Variants in TP53BP1 observed in about 807,000 individuals in gnomAD.
The protein encoded by TP53BP1 is TP53-binding protein 1.
TP53BP1 carries 61 observed loss-of-function variants against 200.8 expected under a neutral mutation model. The observed-to-expected ratio is 0.30, with a 90% CI of 0.25 to 0.38. The LOEUF (loss-of-function observed/expected upper bound fraction) is 0.38, where lower values mean the gene tolerates loss of function less well. Among genes scored for constraint, TP53BP1 ranks in the 10% least tolerant of loss-of-function variants. The pLI, the probability that TP53BP1 is intolerant of heterozygous loss-of-function variation, is 1.00. For missense variants in TP53BP1, 2,144 were observed against 2,371.9 expected, an observed-to-expected ratio of 0.90 and a Z score of 2.00; for synonymous variants, 822 against 844.3, an observed-to-expected ratio of 0.97 and a Z score of 0.46.
chr15:43,440,481 C>A (rs2045901820), intron 15 of TP53BP1, among the ~76,000 whole-genome samples: 1 of 150,928 alleles, frequency 6.6e-6, no homozygotes, highest in Non-Finnish European at 1.5e-5. Context: ...TGCCACTGCA[C>A]TCCAGCCTGG....
intron 11 of TP53BP1, among the ~76,000 whole-genome samples, chr15:43,463,456 T>C (rs1050114045): frequency 1.2e-4 from 19 of 152,162 alleles, no homozygotes; most frequent in African/African-American, 4.3e-4. Flanking sequence ...TGAACAAGGG[T>C]TACCCATTAA....
Position 43,436,984 on chromosome 15 carries a change from G to GA in TP53BP1, c.3191+1339dup, listed in dbSNP as rs1347413592. ...TGAGACCAGCCTGGGCAACACAGTTGAAAAAAAAGTTGAAAAAAAAAAAAA... is the reference window on the plus strand; with the variant it reads ...TGAGACCAGCCTGGGCAACACAGTTGAAAAAAAAAGTTGAAAAAAAAAAAAA... On this transcript the variant is annotated intron_variant, in intron 16 of 27. Coordinates refer to ENST00000382044, the MANE Select transcript of TP53BP1 (RefSeq NM_001141980.3). Among the ~76,000 whole-genome samples, 878 of 148,492 alleles carry GA rather than the reference G, an allele frequency of 5.9e-3. 5 individuals are homozygous for GA. Among genetic ancestry groups the GA allele is most frequent in the Non-Finnish European group, 8.6e-3 (579 of 67,010 alleles).
chr15:43,474,969 T>C (rs1261686103), intron 9 of TP53BP1, among the ~76,000 whole-genome samples: 1 of 152,194 alleles, frequency 6.6e-6, no homozygotes, highest in Non-Finnish European at 1.5e-5. Flanking sequence ...ACATTTCTGT[T>C]GTAAAATAAG....
Position 43,421,922 on chromosome 15 carries a change from TCCCTC to T in TP53BP1, c.4028_4032del (p.Arg1343LysfsTer25), listed in dbSNP as rs899679475. On this transcript the variant is annotated frameshift_variant, in exon 19 of 28. Coordinates refer to ENST00000382044, the MANE Select transcript of TP53BP1 (RefSeq NM_001141980.3). LOFTEE classifies it high-confidence loss of function. ...TCTGCGGGTTCTGTCCCGCTGGTTT[TCCCTC>T]TGAGTGGTCCGGCTCCTTTCCCTGA... is the stretch of plus-strand genomic sequence containing the variant. 6.2e-7 allele frequency: 1 copy of T among 1,614,082 alleles called. No individual in the cohort carries two copies. The highest frequency in any genetic ancestry group is 8.5e-7 in the Non-Finnish European group (1 of 1,180,044).
chr15:43,500,468 T>C (rs1418907294), intron 1 of TP53BP1, among the ~76,000 whole-genome samples: 1 of 152,158 alleles, frequency 6.6e-6, no homozygotes, highest in African/African-American at 2.4e-5. Flanking sequence ...AACTGATTTC[T>C]AAACAAATCC....
chr15:43,502,669 C>G (rs1219181405), intron 1 of TP53BP1, among the ~76,000 whole-genome samples: 1 of 151,608 alleles, frequency 6.6e-6, no homozygotes, highest in Non-Finnish European at 1.5e-5. Context: ...CTATGTTAGC[C>G]AAAATGGTCT....
At position 43,432,169 on chromosome 15, in the gene TP53BP1, G is replaced by A. The variant is rs570530985; in HGVS notation, c.3675+25C>T. On this transcript the variant is annotated intron_variant, in intron 17 of 27. Coordinates refer to ENST00000382044, the MANE Select transcript of TP53BP1 (RefSeq NM_001141980.3). ...CCTGAAAGTTAAAAACAAGGCCTCT[G>A]ATGCACCCTAGTATGTTCTCTCACC... 1.5e-5 allele frequency: 24 copies of A among 1,588,884 alleles called. No individual in the cohort carries two copies. The South Asian group carries it at 1.6e-4, about 10-fold the overall frequency.
At chr15:43,435,942 C>A (rs945643868) in intron 16 of TP53BP1, among the ~76,000 whole-genome samples, 14 of 151,962 alleles carry the variant, frequency 9.2e-5, no homozygotes, top group Admixed American at 4.6e-4. Context: ...GTGGTCACCC[C>A]TCCTCAGCCT....
chr15:43,458,958 G>A (rs1020877788), intron 11 of TP53BP1, among the ~76,000 whole-genome samples: 4 of 152,084 alleles, frequency 2.6e-5, no homozygotes, highest in Non-Finnish European at 5.9e-5. Context: ...TAGGCATTCT[G>A]CTTGTAGGCA....
At chr15:43,453,250 A>G (rs1046522908) in intron 12 of TP53BP1, among the ~76,000 whole-genome samples, 1 of 151,768 alleles carries the variant, frequency 6.6e-6, no homozygotes, top group African/African-American at 2.4e-5. Context: ...AAAACAATCA[A>G]AGAGACCTGA....
intron 4 of TP53BP1, among the ~76,000 whole-genome samples, chr15:43,487,642 A>T (rs1315622701): frequency 6.6e-6 from 1 of 152,120 alleles, no homozygotes; most frequent in East Asian, 1.9e-4. Flanking sequence ...AAAATACAAA[A>T]ATTAGCCAGG....
At chr15:43,452,810 C>T (rs1470901180) in intron 12 of TP53BP1, among the ~76,000 whole-genome samples, 2 of 152,038 alleles carry the variant, frequency 1.3e-5, no homozygotes, top group African/African-American at 4.8e-5. Flanking sequence ...GCTGACTCTG[C>T]CAATTAACAA....
chr15:43,493,185 G>A (rs1280040925), upstream of TP53BP1: 4 of 1,481,972 alleles, frequency 2.7e-6, no homozygotes, highest in Non-Finnish European at 3.6e-6. Flanking sequence ...ACACAATATC[G>A]GATCGTCCAT....
chr15:43,458,820 G>A (rs537856900), intron 11 of TP53BP1, among the ~76,000 whole-genome samples: 15 of 151,816 alleles, frequency 9.9e-5, no homozygotes, highest in Non-Finnish European at 1.0e-4. Context: ...ACAAAACCCA[G>A]GATTAGCAAC....
chr15:43,504,024 C>T (rs1483063395), intron 1 of TP53BP1, among the ~76,000 whole-genome samples: 1 of 152,128 alleles, frequency 6.6e-6, no homozygotes, highest in Non-Finnish European at 1.5e-5. Context: ...GTGGCTAAAG[C>T]CTGTAATCCC....
chr15:43,482,544 G>A (rs531180974), intron 4 of TP53BP1, among the ~76,000 whole-genome samples: 23 of 152,240 alleles, frequency 1.5e-4, no homozygotes, highest in African/African-American at 3.9e-4. Flanking sequence ...CGAAACAGGC[G>A]GATCACAAGG....
intron 23 of TP53BP1, 166 bp downstream of exon 23, chr15:43,415,428 G>C (rs1013653553): frequency 2.7e-6 from 2 of 741,050 alleles, no homozygotes; most frequent in African/African-American, 3.5e-5. Flanking sequence ...GGGGGAGGAG[G>C]GATACAGTGA....
chr15:43,496,034 T>C (rs139324373), upstream of TP53BP1, among the ~76,000 whole-genome samples: 6 of 152,296 alleles, frequency 3.9e-5, no homozygotes, highest in African/African-American at 1.2e-4. Flanking sequence ...AAGGCCTTTA[T>C]TGACTCCTAG....
Position 43,481,032 on chromosome 15 carries a change from A to G in TP53BP1, c.372-10T>C. Reference sequence around the variant, plus strand: ...TGACATTCCCAGAACACTACACAGCAGAAGGATATAATCATGTGTTCCCAG... The same window carrying G: ...TGACATTCCCAGAACACTACACAGCGGAAGGATATAATCATGTGTTCCCAG... On this transcript the variant is annotated splice_polypyrimidine_tract_variant and intron_variant, in intron 4 of 27. Coordinates refer to ENST00000382044, the MANE Select transcript of TP53BP1 (RefSeq NM_001141980.3). 6.2e-7 allele frequency: 1 copy of G among 1,613,996 alleles called. No homozygotes were observed. Among genetic ancestry groups the G allele is most frequent in the Non-Finnish European group, 8.5e-7 (1 of 1,179,978 alleles).
Sources: gnomAD v4.1 joint callset for allele counts (sites outside exome capture counted in the v4.1 genomes callset) on GRCh38, gnomAD v4.1.1 for gene constraint, MANE v1.5 for transcripts, NCBI Gene and HGNC (gene_info 2026-07-23, HGNC 2026-07-21) for gene names.